The following ETV6 variants were observed in gnomAD, a reference collection of about 807,000 sequenced individuals.
ETV6 encodes ETS variant transcription factor 6.
A neutral mutation model predicts 51.1 loss-of-function variants in ETV6; 16 were observed. That is an observed-to-expected ratio of 0.31 (90% confidence interval 0.21 to 0.48). The LOEUF is 0.48. Among genes scored for constraint, ETV6 ranks in the 20% least tolerant of loss-of-function variants. The pLI is 0.99. For synonymous variants in ETV6, 240 were observed against 224.1 expected, an observed-to-expected ratio of 1.07 and a Z score of -0.64; for missense variants, 458 against 594.8, an observed-to-expected ratio of 0.77 and a Z score of 2.39.
At chr12:11,815,620 CTG>C (rs77439629) in intron 2 of ETV6, among the ~76,000 whole-genome samples, 27,719 of 152,128 alleles carry the variant, frequency 0.18, 2,691 homozygotes, top group Middle Eastern at 0.22. Flanking sequence ...CACCTGGTGA[CTG>C]TGAAGGCCAA....
At chr12:11,721,631 T>C (rs1261749194) in intron 1 of ETV6, among the ~76,000 whole-genome samples, 1 of 152,150 alleles carries the variant, frequency 6.6e-6, no homozygotes, top group African/African-American at 2.4e-5. Context: ...GGTACTGTGC[T>C]CACTACCTGG....
chr12:11,664,916 A>G (rs1231610241), intron 1 of ETV6, among the ~76,000 whole-genome samples: 1 of 152,150 alleles, frequency 6.6e-6, no homozygotes, highest in Non-Finnish European at 1.5e-5. Flanking sequence ...GTCTCACACC[A>G]CAGTACCACA....
At chr12:11,810,954 A>T (rs905798348) in intron 2 of ETV6, among the ~76,000 whole-genome samples, 17 of 151,734 alleles carry the variant, frequency 1.1e-4, no homozygotes, top group Admixed American at 6.6e-5. Context: ...TTTTTTTTTT[A>T]AACACCTCCA....
At chr12:11,837,636 C>T (rs543758706) in intron 2 of ETV6, among the ~76,000 whole-genome samples, 26 of 152,318 alleles carry the variant, frequency 1.7e-4, no homozygotes, top group African/African-American at 6.0e-4. Flanking sequence ...TTTCCAGGAT[C>T]AAACTGAGGG....
chr12:11,880,750 A>T (rs1193857291), intron 5 of ETV6, among the ~76,000 whole-genome samples: 1 of 152,212 alleles, frequency 6.6e-6, no homozygotes, highest in Non-Finnish European at 1.5e-5. Context: ...AAACTGTAAA[A>T]GACAACCAGG....
chr12:11,887,928 T>A (rs1303315208), intron 7 of ETV6, among the ~76,000 whole-genome samples: 2 of 152,128 alleles, frequency 1.3e-5, no homozygotes, highest in Non-Finnish European at 2.9e-5. Context: ...CCCACTCTAT[T>A]CTGTGTTGCA....
chr12:11,795,498 C>G (rs1008339977), intron 2 of ETV6, among the ~76,000 whole-genome samples: 31 of 152,384 alleles, frequency 2.0e-4, no homozygotes, highest in African/African-American at 7.5e-4. Context: ...TTTCAGTCAT[C>G]ATTGGGAACC....
intron 2 of ETV6, among the ~76,000 whole-genome samples, chr12:11,827,644 G>A (rs901587232): frequency 6.6e-6 from 1 of 151,916 alleles, no homozygotes; most frequent in Non-Finnish European, 1.5e-5. Flanking sequence ...TTAAAATTTC[G>A]CAGGAGAATA....
chr12:11,860,426 G>A (rs566443814), intron 4 of ETV6, among the ~76,000 whole-genome samples: 8 of 152,170 alleles, frequency 5.3e-5, no homozygotes, highest in Admixed American at 4.6e-4. Flanking sequence ...CCAGTTTACC[G>A]GCTGTGTGAC....
chr12:11,835,344 G>T (rs975467612), intron 2 of ETV6, among the ~76,000 whole-genome samples: 1 of 152,206 alleles, frequency 6.6e-6, no homozygotes, highest in Non-Finnish European at 1.5e-5. Context: ...CAGAGTAATG[G>T]TCTCTCTCCT....
At chr12:11,867,993 A>G (rs936978899) in intron 4 of ETV6, among the ~76,000 whole-genome samples, 1 of 152,280 alleles carries the variant, frequency 6.6e-6, no homozygotes, top group Non-Finnish European at 1.5e-5. Flanking sequence ...TGAGCTGTGT[A>G]CACTTCTGAT....
Position 11,853,529 on chromosome 12 carries a change from C to T in ETV6, c.431C>T (p.Pro144Leu). 3.1e-6 allele frequency: 5 copies of T among 1,614,192 alleles called. No individual in the cohort carries two copies. Among genetic ancestry groups the T allele is most frequent in the Admixed American group, 1.7e-5 (1 of 60,028 alleles). The change falls in exon 4 of 8, where the codon CCG (proline) becomes CTG (leucine). Residue 144 changes from proline (P) to leucine (L), a missense_variant. This residue lies in a region of ETV6 where 293 missense variants were observed against 315.7 expected (regional missense o/e 0.93). Coordinates refer to ENST00000396373, the MANE Select transcript of ETV6 (RefSeq NM_001987.5). ...FHPGNSIHTQ[P>L]EVILHQNHEE... is the part of the protein sequence containing the mutation. ...CCTGGAAACTCTATACACACACAGCCGGAGGTCATACTGCATCAGAACCAT... is the reference window on the plus strand; with the variant it reads ...CCTGGAAACTCTATACACACACAGCTGGAGGTCATACTGCATCAGAACCAT...
At chr12:11,703,810 A>C (rs1865026509) in intron 1 of ETV6, among the ~76,000 whole-genome samples, 1 of 152,158 alleles carries the variant, frequency 6.6e-6, no homozygotes, top group African/African-American at 2.4e-5. Context: ...TAATTATGTA[A>C]TTCCTTTCAA....
chr12:11,853,356 T>G, intron 3 of ETV6, 71 bp from the exon 4 acceptor site: 1 of 1,590,142 alleles, frequency 6.3e-7, no homozygotes, highest in Non-Finnish European at 8.6e-7. Flanking sequence ...GGCACTTAGC[T>G]GCTGCTCCGT....
intron 3 of ETV6, among the ~76,000 whole-genome samples, chr12:11,852,289 G>C (rs1946568042): frequency 6.6e-6 from 1 of 152,190 alleles, no homozygotes. Flanking sequence ...GCTCAACCCA[G>C]CCCCTGCCAT....
chr12:11,695,709 G>C (rs943736912), intron 1 of ETV6, among the ~76,000 whole-genome samples: 2 of 152,180 alleles, frequency 1.3e-5, no homozygotes, highest in Non-Finnish European at 2.9e-5. Flanking sequence ...TGTTCTCCAG[G>C]CGCCTCCTTC....
chr12:11,852,786 C>T (rs1894307), intron 3 of ETV6, among the ~76,000 whole-genome samples: 21,690 of 152,158 alleles, frequency 0.14, 1,789 homozygotes, highest in East Asian at 0.41. Flanking sequence ...ATTAAAAGCC[C>T]GCTTCTAACT....
At chr12:11,821,639 C>T (rs1192321902) in intron 2 of ETV6, among the ~76,000 whole-genome samples, 1 of 152,006 alleles carries the variant, frequency 6.6e-6, no homozygotes, top group Non-Finnish European at 1.5e-5. Context: ...AGTTTGAGAC[C>T]AGCCTGGGCA....
intron 1 of ETV6, among the ~76,000 whole-genome samples, chr12:11,699,813 G>A (rs996075175): frequency 1.3e-5 from 2 of 152,054 alleles, no homozygotes; most frequent in South Asian, 2.1e-4. Flanking sequence ...AGTATACTGC[G>A]TTCCCCCTCC....
Sources: allele counts gnomAD v4.1 joint callset (sites outside exome capture counted in the v4.1 genomes callset), GRCh38; gene constraint gnomAD v4.1.1; regional missense constraint gnomAD v4.1.1; transcripts MANE v1.5; gene names NCBI Gene and HGNC (gene_info 2026-07-23, HGNC 2026-07-21).